The following PLCG2 variants were observed in gnomAD, a reference collection of about 807,000 sequenced individuals.
PLCG2 encodes the protein 1-phosphatidylinositol 4,5-bisphosphate phosphodiesterase gamma-2.
A neutral mutation model predicts 175.6 loss-of-function variants in PLCG2; 69 were observed. The ratio of observed to expected loss-of-function variants is 0.39; its 90% CI spans 0.32 to 0.48. PLCG2 has a LOEUF of 0.48. Among genes scored for constraint, PLCG2 ranks in the 20% least tolerant of loss-of-function variants. The pLI, the probability that PLCG2 is intolerant of heterozygous loss-of-function variation, is 0.91. For synonymous variants in PLCG2, 827 were observed against 624.0 expected, an observed-to-expected ratio of 1.33 and a Z score of -4.85; for missense variants, 1,798 against 1,650.9, an observed-to-expected ratio of 1.09 and a Z score of -1.54.
intron 25 of PLCG2, among the ~76,000 whole-genome samples, chr16:81,934,112 A>C (rs1382798473): frequency 1.3e-5 from 2 of 152,190 alleles, no homozygotes. Context: ...GGGAGGGGAC[A>C]GGAGGCAGAG....
At chr16:81,833,767 G>A (rs1215543654) in intron 2 of PLCG2, among the ~76,000 whole-genome samples, 1 of 151,966 alleles carries the variant, frequency 6.6e-6, no homozygotes, top group East Asian at 1.9e-4. Context: ...GGCTGGTCTC[G>A]GAATTCCTGG....
rs921433451 is a variant in PLCG2, at chr16:81,959,755, T to C, written c.*1757T>C. On this transcript the variant is annotated 3_prime_UTR_variant, in exon 33 of 33. Coordinates refer to ENST00000564138, the MANE Select transcript of PLCG2 (RefSeq NM_002661.5). The stretch of plus-strand genomic sequence containing the variant: ...AGGCACTCTGTAGCCAGGGCCCCAT[T>C]AGCCTTTGGCCAGGTAGCCACCAGA... 1 of 184,440 alleles carries C rather than the reference T, an allele frequency of 5.4e-6. No individual in the cohort carries two copies. Among genetic ancestry groups the C allele is most frequent in the Non-Finnish European group, 1.1e-5 (1 of 87,040 alleles). The allele number at this position is 184,440 out of a possible 1,614,324, so 11.4% of individuals were successfully genotyped here.
intron 2 of PLCG2, among the ~76,000 whole-genome samples, chr16:81,817,639 TTTTATCTA>T (rs749601645): frequency 7.2e-5 from 11 of 152,198 alleles, no homozygotes; most frequent in Non-Finnish European, 1.2e-4. Context: ...GATTATTTTA[TTTTATCTA>T]TTTATTTTTA....
upstream of PLCG2, among the ~76,000 whole-genome samples, chr16:81,777,198 G>A (rs1042547241): frequency 3.3e-5 from 5 of 151,988 alleles, no homozygotes; most frequent in Admixed American, 2.6e-4. Flanking sequence ...GCCAGAATTG[G>A]CATCTGTCAA....
At chr16:81,862,760 A>T (rs940142164) in intron 5 of PLCG2, among the ~76,000 whole-genome samples, 1 of 152,084 alleles carries the variant, frequency 6.6e-6, no homozygotes, top group Non-Finnish European at 1.5e-5. Flanking sequence ...TAGTCCTGCT[A>T]CTTGAGAGGC....
chr16:81,774,478 G>A (rs563432856), upstream of PLCG2, among the ~76,000 whole-genome samples: 1 of 152,332 alleles, frequency 6.6e-6, no homozygotes, highest in South Asian at 2.1e-4. Context: ...ATTCTGGGTG[G>A]TACTTCCTCT....
At chr16:81,765,354 G>A (rs2143096104) in intron 2 of PLCG2, among the ~76,000 whole-genome samples, 1 of 152,376 alleles carries the variant, frequency 6.6e-6, no homozygotes, top group East Asian at 1.9e-4. Flanking sequence ...ATGCCGGCCA[G>A]GTGTGGAGGC....
chr16:81,926,329 T>G (rs1910273224), intron 22 of PLCG2, among the ~76,000 whole-genome samples: 1 of 151,574 alleles, frequency 6.6e-6, no homozygotes, highest in African/African-American at 2.4e-5. Flanking sequence ...TTTTGGAGAG[T>G]CCCTGGCTGC....
intron 2 of PLCG2, among the ~76,000 whole-genome samples, chr16:81,797,008 G>C (rs1046202185): frequency 2.0e-5 from 3 of 152,222 alleles, no homozygotes; most frequent in Non-Finnish European, 2.9e-5. Flanking sequence ...GTTGTGGTTT[G>C]TCATAACGGA....
chr16:81,916,267 CAA>C (rs1223254584), intron 19 of PLCG2, among the ~76,000 whole-genome samples: 2 of 146,094 alleles, frequency 1.4e-5, no homozygotes, highest in Non-Finnish European at 3.0e-5. Flanking sequence ...TTTTTTTTTT[CAA>C]AAGACTGGAA....
upstream of PLCG2, among the ~76,000 whole-genome samples, chr16:81,778,045 A>AACAAACAGAC (rs746647458): frequency 1.3e-5 from 1 of 77,906 alleles, no homozygotes; most frequent in Non-Finnish European, 2.5e-5. Flanking sequence ...AAAAAAAACA[A>AACAAACAGAC]AAAAAAAAAC....
intron 7 of PLCG2, among the ~76,000 whole-genome samples, chr16:81,877,878 G>T (rs1210730316): frequency 1.4e-5 from 2 of 146,744 alleles, no homozygotes; most frequent in Admixed American, 1.4e-4. Context: ...TCCTTGGCTT[G>T]TAGATGTCAT....
chr16:81,751,036 G>C (rs148907178), intron 1 of PLCG2, among the ~76,000 whole-genome samples: 1 of 137,988 alleles, frequency 7.2e-6, no homozygotes, highest in Non-Finnish European at 1.5e-5. Flanking sequence ...ACTGGAGTAC[G>C]GTAGTGCAAT....
intron 20 of PLCG2, 62 bp from the exon 21 acceptor site, chr16:81,921,136 A>C (rs963805061): frequency 1.0e-6 from 1 of 998,608 alleles, no homozygotes; most frequent in Non-Finnish European, 1.6e-6. Context: ...AACCCTTGTT[A>C]TATGTAAGGG....
In PLCG2 at chr16:81,907,781, G is replaced by A. The variant is rs1909440325; in HGVS notation, c.1557+7G>A. 6.2e-7 allele frequency: 1 copy of A among 1,607,284 alleles called. No individual in the cohort carries two copies. Among genetic ancestry groups the A allele is most frequent in the African/African-American group, 1.3e-5 (1 of 74,808 alleles). On this transcript the variant is annotated splice_region_variant and intron_variant, in intron 16 of 32. Transcript: ENST00000564138. ...GGAGGAGGAAGTGCCCCAGGTAGGGGGACACCCTAGCCACATAGGGAGGAG... is the reference window on the plus strand; with the variant it reads ...GGAGGAGGAAGTGCCCCAGGTAGGGAGACACCCTAGCCACATAGGGAGGAG...
At chr16:81,802,093 CTTTTTTTTTTTTTTTTTTTTTTTT>C (rs1157731599) in intron 2 of PLCG2, among the ~76,000 whole-genome samples, 10 of 40,016 alleles carry the variant, frequency 2.5e-4, no homozygotes, top group South Asian at 1.6e-3. Flanking sequence ...TGAGTACAGT[CTTTTTTTTTTTTTTTTTTTTTTTT>C]TTTTTTTTTT....
intron 20 of PLCG2, among the ~76,000 whole-genome samples, chr16:81,920,023 G>A (rs758182471): frequency 6.6e-6 from 1 of 152,174 alleles, no homozygotes; most frequent in East Asian, 1.9e-4. Flanking sequence ...ATGTGGGTAT[G>A]TTCTGGAGGA....
At chr16:81,796,154 G>C (rs1006725342) in intron 2 of PLCG2, among the ~76,000 whole-genome samples, 1 of 152,248 alleles carries the variant, frequency 6.6e-6, no homozygotes, top group South Asian at 2.1e-4. Flanking sequence ...CTGGCACTGA[G>C]GACTTTCCTG....
At chr16:81,874,549 G>T (rs1036212116) in intron 7 of PLCG2, among the ~76,000 whole-genome samples, 2 of 152,206 alleles carry the variant, frequency 1.3e-5, no homozygotes, top group African/African-American at 4.8e-5. Flanking sequence ...TTCCTGGCTG[G>T]AAGCACAGGG....
Sources: gnomAD v4.1 joint callset for allele counts (sites outside exome capture counted in the v4.1 genomes callset) on GRCh38, gnomAD v4.1.1 for gene constraint, MANE v1.5 for transcripts, NCBI Gene and HGNC (gene_info 2026-07-23, HGNC 2026-07-21) for gene names.